Variants in SBNO2 observed in about 807,000 individuals in gnomAD.
The protein encoded by SBNO2 is protein strawberry notch homolog 2.
A neutral mutation model predicts 146.3 loss-of-function variants in SBNO2; 89 were observed. The ratio of observed to expected loss-of-function variants is 0.61; its 90% CI spans 0.51 to 0.73. The LOEUF (loss-of-function observed/expected upper bound fraction) is 0.73, where lower values mean the gene tolerates loss of function less well. Ranked by LOEUF, SBNO2 falls within the 30% of genes least tolerant of loss-of-function variation. SBNO2 has a pLI of 0.00. For synonymous variants in SBNO2, 1,147 were observed against 892.6 expected, an observed-to-expected ratio of 1.29 and a Z score of -5.08; for missense variants, 2,092 against 2,003.7, an observed-to-expected ratio of 1.04 and a Z score of -0.84.
chr19:1,111,086 C>T lies in SBNO2; in HGVS notation c.2817G>A (p.Lys939=), dbSNP rs1409263091. The T allele has an allele frequency of 1.1e-5, 17 of 1,551,884 alleles. No individual in the cohort carries two copies. The highest frequency in any genetic ancestry group is 9.6e-6 in the Non-Finnish European group (11 of 1,149,734). The change falls in exon 25 of 32, where the codon AAG becomes AAA. Residue 939 remains lysine, a synonymous_variant. Coordinates refer to ENST00000361757, the MANE Select transcript of SBNO2 (RefSeq NM_014963.3). ...CAATGCCCACAGACAGCAGGCCCTG[C>T]TTCATGTCTGCGGGGAGAGGGGCCT... ...GGVPTFFRDM[K]QGLLSVGIGG... is the part of the protein sequence containing the mutation.
At chr19:1,164,384 AG>A (rs2080380856) in intron 1 of SBNO2, among the ~76,000 whole-genome samples, 1 of 116,466 alleles carries the variant, frequency 8.6e-6, no homozygotes, top group Non-Finnish European at 1.7e-5. Flanking sequence ...GGGGCAGTGG[AG>A]ACAGGAGGAG....
rs2079965174 is a variant in SBNO2, at chr19:1,126,319, C to G, written c.441+1285G>C. On this transcript the variant is annotated intron_variant, in intron 5 of 31. Coordinates refer to ENST00000361757, the MANE Select transcript of SBNO2 (RefSeq NM_014963.3). This position sits in a 1 kb window ranked among gnomAD's most constrained non-coding sequence, Gnocchi z 4.4. ...CAAAAAAACAGACGCCACGCAGGTTCCTGGAAGGCTGAGTCACCATTCCCG... is the reference window on the plus strand; with the variant it reads ...CAAAAAAACAGACGCCACGCAGGTTGCTGGAAGGCTGAGTCACCATTCCCG... Among the ~76,000 whole-genome samples, 1 of 152,120 alleles carries G rather than the reference C, an allele frequency of 6.6e-6. No individual in the cohort carries two copies. Among genetic ancestry groups the G allele is most frequent in the Admixed American group, 6.5e-5 (1 of 15,278 alleles).
Position 1,123,556 on chromosome 19 carries a change from G to A in SBNO2, c.606C>T (p.Tyr202=), listed in dbSNP as rs369117272. 1.5e-4 allele frequency: 235 copies of A among 1,613,398 alleles called. 1 individual carries two copies. Among genetic ancestry groups the A allele is most frequent in the Admixed American group, 2.5e-4 (15 of 59,980 alleles). ...CACACTTGGACGGCACGTAGTCGGC[G>A]TAGGTCTCTGTGTGCCCCAGCTCCT... ...EAEELGHTET[Y]ADYVPSKSKI... Residue 202 remains tyrosine, a synonymous_variant, in exon 7 of 32, where the codon TAC becomes TAT. Coordinates refer to ENST00000361757, the MANE Select transcript of SBNO2 (RefSeq NM_014963.3).
At chr19:1,133,161 A>C (rs1454012172) in intron 4 of SBNO2, among the ~76,000 whole-genome samples, 1 of 151,896 alleles carries the variant, frequency 6.6e-6, no homozygotes, top group Admixed American at 6.5e-5. Context: ...CGGGCTGTGG[A>C]GAGGACGGGC....
In SBNO2 at chr19:1,119,292, G is replaced by A. The variant is rs926311467; in HGVS notation, c.1374-128C>T. On this transcript the variant is annotated intron_variant, in intron 13 of 31. Coordinates refer to ENST00000361757, the MANE Select transcript of SBNO2 (RefSeq NM_014963.3). ...GAGCAGAGCCCTGGCGGCCACTGAG[G>A]CAGTTGGCAGCTGAGCCTGGCGGGG... The A allele has an allele frequency of 1.5e-5, 18 of 1,179,608 alleles. No individual in the cohort carries two copies. The African/African-American group carries it at 2.4e-4, about 16-fold the overall frequency. 73.1% of individuals were successfully genotyped at this position (1,179,608 alleles called of 1,614,324 possible).
chr19:1,111,851 G>T (rs2079765178), intron 23 of SBNO2, 145 bp downstream of exon 23: 1 of 837,514 alleles, frequency 1.2e-6, no homozygotes, highest in East Asian at 2.7e-5. Context: ...CTTCCCCCCT[G>T]GGGGTCCTAG....
chr19:1,113,015 T>A, intron 19 of SBNO2, 66 bp from the exon 20 acceptor site: 1 of 1,495,700 alleles, frequency 6.7e-7, no homozygotes. Flanking sequence ...TGGCCACCCG[T>A]GTCTCAGCTT....
At chr19:1,132,137 T>A in intron 4 of SBNO2, 1 of 1,506,424 alleles carries the variant, frequency 6.6e-7, no homozygotes, top group Non-Finnish European at 8.8e-7. Flanking sequence ...TGGGACATGG[T>A]CCCGGCGCTC....
At chr19:1,171,704 G>T (rs2080479650) in intron 1 of SBNO2, among the ~76,000 whole-genome samples, 1 of 151,962 alleles carries the variant, frequency 6.6e-6, no homozygotes, top group African/African-American at 2.4e-5. Context: ...GTTGGGCCAA[G>T]CCCAAGCTGG....
intron 4 of SBNO2, among the ~76,000 whole-genome samples, chr19:1,131,489 T>C (rs1285455735): frequency 6.6e-6 from 1 of 152,126 alleles, no homozygotes; most frequent in Non-Finnish European, 1.5e-5. Flanking sequence ...CCTCCTGCCC[T>C]GGGCAGCCAA....
chr19:1,132,606 C>T (rs1018983848), intron 4 of SBNO2, among the ~76,000 whole-genome samples: 1 of 152,218 alleles, frequency 6.6e-6, no homozygotes, highest in African/African-American at 2.4e-5. Context: ...CGGCCAAGAC[C>T]GCCTCCCTTC....
In SBNO2 at chr19:1,119,258, G is replaced by T. The variant is rs2079870009; in HGVS notation, c.1374-94C>A. ...GCAGAGCCAGTCGCAGAGAGGGCGG[G>T]GTCGGCAGGAGCAGAGCCCTGGCGG... On this transcript the variant is annotated intron_variant, in intron 13 of 31. Coordinates refer to ENST00000361757, the MANE Select transcript of SBNO2 (RefSeq NM_014963.3). The T allele has an allele frequency of 5.5e-6, 8 of 1,441,964 alleles. No homozygotes were observed. The South Asian group carries it at 1.0e-4, about 19-fold the overall frequency. The allele number at this position is 1,441,964 out of a possible 1,614,324, so 89.3% of individuals were successfully genotyped here.
intron 4 of SBNO2, among the ~76,000 whole-genome samples, chr19:1,137,081 C>T (rs914931914): frequency 5.4e-5 from 8 of 149,058 alleles, no homozygotes; most frequent in African/African-American, 2.0e-4. Flanking sequence ...GGAGCACCCC[C>T]ACCCCAGGAA....
chr19:1,174,251 G>A lies in SBNO2; in HGVS notation c.-206C>T, dbSNP rs957474387. 6.6e-6 allele frequency: 1 copy of A among 151,998 alleles called. No homozygotes were observed. Among genetic ancestry groups the A allele is most frequent in the Non-Finnish European group, 1.5e-5 (1 of 67,934 alleles). 9.4% of individuals were successfully genotyped at this position (151,998 alleles called of 1,614,324 possible). A position where few individuals can be genotyped will look rare whatever the true frequency, so the allele number is the denominator to read the frequency against. ...TCGCAGCTGCCGCCGCTCACTTCCG[G>A]GTTTCGGGCGCCATCTTGGGGGCCC... On this transcript the variant is annotated 5_prime_UTR_variant, in exon 1 of 32. Coordinates refer to ENST00000361757, the MANE Select transcript of SBNO2 (RefSeq NM_014963.3).
intron 2 of SBNO2, among the ~76,000 whole-genome samples, chr19:1,153,050 G>C (rs1167739110): frequency 6.6e-6 from 1 of 151,836 alleles, no homozygotes; most frequent in Admixed American, 6.6e-5. Flanking sequence ...AGCTACTCAG[G>C]AGGCTGAGGC....
At chr19:1,160,753 C>T (rs1459707018) in intron 1 of SBNO2, among the ~76,000 whole-genome samples, 3 of 152,168 alleles carry the variant, frequency 2.0e-5, no homozygotes, top group African/African-American at 7.2e-5. Flanking sequence ...TGGTCTCGAA[C>T]TGCCGATTTC....
At chr19:1,147,454 G>A (rs776890107) in intron 3 of SBNO2, 34 bp from the exon 4 acceptor site, 5 of 1,179,614 alleles carry the variant, frequency 4.2e-6, no homozygotes, top group African/African-American at 1.6e-5. Flanking sequence ...AGGTGAGATG[G>A]GGTGCTCAAC....
chr19:1,115,986 CAGGGGTGGGTGGGG>C, intron 17 of SBNO2, 21 bp downstream of exon 17: 1 of 999,282 alleles, frequency 1.0e-6, no homozygotes, highest in Non-Finnish European at 1.2e-6. Flanking sequence ...AGCAGAGGGG[CAGGGGTGGGTGGGG>C]CCATGGGGGG....
chr19:1,121,219 C>T (rs1049305679), intron 11 of SBNO2, among the ~76,000 whole-genome samples: 32 of 152,170 alleles, frequency 2.1e-4, no homozygotes, highest in Admixed American at 1.6e-3. Context: ...CGAAAGAAAG[C>T]CAAGTTCCAG....
Sources: gnomAD v4.1 joint callset for allele counts (sites outside exome capture counted in the v4.1 genomes callset) on GRCh38, gnomAD v4.1.1 for gene constraint, Gnocchi (gnomAD v3.1) non-coding constraint, MANE v1.5 for transcripts, NCBI Gene and HGNC (gene_info 2026-07-23, HGNC 2026-07-21) for gene names.